Variants in ALK observed in about 807,000 individuals in gnomAD.
ALK encodes the protein ALK receptor tyrosine kinase.
Under a neutral mutation model 163.1 loss-of-function variants are expected in ALK, and 74 were observed. The observed-to-expected ratio is 0.45, with a 90% CI of 0.38 to 0.55. The LOEUF (loss-of-function observed/expected upper bound fraction) is 0.55. ALK is among the 20% of genes least tolerant of loss of function. The probability of loss-of-function intolerance (pLI) is 0.00; values close to 1 mark genes in which losing one functional copy is unlikely to be tolerated. For missense variants in ALK, 2,063 were observed against 2,105.3 expected, an observed-to-expected ratio of 0.98 and a Z score of 0.39; for synonymous variants, 960 against 843.2, an observed-to-expected ratio of 1.14 and a Z score of -2.40.
chr2:29,245,589 C>T (rs1165435037), intron 12 of ALK, among the ~76,000 whole-genome samples: 1 of 135,806 alleles, frequency 7.4e-6, no homozygotes, highest in Non-Finnish European at 1.6e-5. Flanking sequence ...CACAGCAGGG[C>T]TCCATGGCTC....
intron 3 of ALK, among the ~76,000 whole-genome samples, chr2:29,539,022 C>T (rs1196615404): frequency 1.3e-5 from 2 of 149,516 alleles, no homozygotes; most frequent in Admixed American, 1.4e-4. Flanking sequence ...AGTCTTCCTG[C>T]CCTTTCCTGT....
chr2:29,524,618 G>A (rs561316868), intron 4 of ALK, among the ~76,000 whole-genome samples: 1 of 152,348 alleles, frequency 6.6e-6, no homozygotes, highest in South Asian at 2.1e-4. Context: ...AACATGCACT[G>A]TACAGATATT....
intron 5 of ALK, among the ~76,000 whole-genome samples, chr2:29,355,491 GAC>G (rs148233746): frequency 3.3e-5 from 5 of 150,260 alleles, no homozygotes; most frequent in African/African-American, 4.9e-5. Context: ...ACCACACACA[GAC>G]ACACACACAC....
intron 2 of ALK, among the ~76,000 whole-genome samples, chr2:29,704,136 G>A (rs958156089): frequency 2.0e-5 from 3 of 150,660 alleles, no homozygotes; most frequent in Non-Finnish European, 3.0e-5. Context: ...ATGCATACAC[G>A]GCAATTCTCT....
At position 29,361,235 on chromosome 2, in the gene ALK, A is replaced by G. The variant is rs570925721; in HGVS notation, c.1282+22497T>C. On this transcript the variant is annotated intron_variant, in intron 5 of 28. Transcript: ENST00000389048. ...AAACCAATTGTTAAAGACCGTCCACATTATTCACCAGGGTGGGAGAATTCA... is the reference window on the plus strand; with the variant it reads ...AAACCAATTGTTAAAGACCGTCCACGTTATTCACCAGGGTGGGAGAATTCA... Among the ~76,000 whole-genome samples the G allele has an allele frequency of 1.1e-3, 172 of 152,364 alleles. 1 individual carries two copies. Among genetic ancestry groups the G allele is most frequent in the African/African-American group, 3.5e-3 (146 of 41,592 alleles).
rs371642412 is a variant in ALK, at chr2:29,383,835, G to T, written c.1179C>A (p.Ile393=). ...CTCGAAATGGGTTGTCTGGACGCCC[G>T]ATTCTTCCCTGGAGCACTGTCCAAC... ...KHGWTVLQGR[I]GRPDNPFRVA... The change falls in exon 5 of 29, where the codon ATC becomes ATA. Residue 393 remains isoleucine (I), a synonymous_variant. Coordinates refer to ENST00000389048, the MANE Select transcript of ALK (RefSeq NM_004304.5). 6.2e-6 allele frequency: 10 copies of T among 1,613,988 alleles called. No individual in the cohort carries two copies. The Admixed American group carries it at 1.2e-4, about 19-fold the overall frequency.
intron 3 of ALK, among the ~76,000 whole-genome samples, chr2:29,611,549 AG>A (rs1675692095): frequency 6.6e-6 from 1 of 152,166 alleles, no homozygotes; most frequent in South Asian, 2.1e-4. Context: ...TCTTACCTTA[AG>A]GAAAGAGGAG....
chr2:29,366,064 T>G (rs1227660797), intron 5 of ALK, among the ~76,000 whole-genome samples: 2 of 152,204 alleles, frequency 1.3e-5, no homozygotes, highest in African/African-American at 4.8e-5. Context: ...AATACAGATT[T>G]TTAGCAGTAA....
intron 4 of ALK, among the ~76,000 whole-genome samples, chr2:29,444,123 T>C (rs917492385): frequency 6.6e-6 from 1 of 152,214 alleles, no homozygotes; most frequent in African/African-American, 2.4e-5. Flanking sequence ...AATGTTTATT[T>C]AGTCTGCCAG....
At chr2:29,633,732 G>T (rs181717555) in intron 3 of ALK, among the ~76,000 whole-genome samples, 43 of 151,416 alleles carry the variant, frequency 2.8e-4, no homozygotes, top group Admixed American at 2.8e-3. Flanking sequence ...AAGGAAACAA[G>T]GGTTGCTATG....
At chr2:29,616,374 A>C (rs2148225375) in intron 3 of ALK, among the ~76,000 whole-genome samples, 1 of 152,320 alleles carries the variant, frequency 6.6e-6, no homozygotes, top group Non-Finnish European at 1.5e-5. Context: ...GCTAAAACAA[A>C]CCCTCAAATT....
At chr2:29,767,341 C>G (rs556814886) in intron 1 of ALK, among the ~76,000 whole-genome samples, 50 of 152,252 alleles carry the variant, frequency 3.3e-4, no homozygotes, top group African/African-American at 9.1e-4. Context: ...GGGGGCTCAG[C>G]AGGATAAATG....
chr2:29,196,928 C>G (rs1573083489), intron 27 of ALK, 68 bp from the exon 28 acceptor site: 1 of 1,382,056 alleles, frequency 7.2e-7, no homozygotes, highest in East Asian at 2.3e-5. Context: ...TTTCTTCCAG[C>G]CCCAGGGTTG....
chr2:29,531,108 C>T lies in ALK; in HGVS notation c.1154+807G>A, dbSNP rs192104000. Among the ~76,000 whole-genome samples, 46 of 152,270 alleles carry T rather than the reference C, an allele frequency of 3.0e-4. No individual in the cohort carries two copies. In the East Asian group the frequency reaches 6.9e-3, roughly 23 times the overall value. ...GGTGGGACCCTTCTGAAAAGGTATT[C>T]TCTTAGAAGGAAGCCAAGTCTAAGC... On this transcript the variant is annotated intron_variant, in intron 4 of 28. Coordinates refer to ENST00000389048, the MANE Select transcript of ALK (RefSeq NM_004304.5).
rs114573852 is a variant in ALK at position 29,671,931 on chromosome 2, A to G, written c.952+22919T>C. Among the ~76,000 whole-genome samples, 718 of 152,078 alleles carry G rather than the reference A, an allele frequency of 4.7e-3. 8 individuals carry two copies. Among genetic ancestry groups the G allele is most frequent in the African/African-American group, 0.015 (626 of 41,536 alleles). On this transcript the variant is annotated intron_variant, in intron 3 of 28. Coordinates refer to ENST00000389048, the MANE Select transcript of ALK (RefSeq NM_004304.5). ...AGAAATTTTTAGTTTTTAATTACAA[A>G]ATAAATATGTAAAAATTCTAATGAT...
At chr2:29,891,908 C>T (rs931859484) in intron 1 of ALK, among the ~76,000 whole-genome samples, 1 of 152,202 alleles carries the variant, frequency 6.6e-6, no homozygotes, top group Non-Finnish European at 1.5e-5. Flanking sequence ...TCAGCAAAAG[C>T]TCATTCTCTG....
chr2:29,469,304 C>G (rs1043516925), intron 4 of ALK, among the ~76,000 whole-genome samples: 1 of 152,128 alleles, frequency 6.6e-6, no homozygotes, highest in African/African-American at 2.4e-5. Flanking sequence ...TATCTTGTGC[C>G]AAATTGCCTT....
intron 9 of ALK, among the ~76,000 whole-genome samples, chr2:29,281,492 T>C (rs1046176243): frequency 3.9e-5 from 6 of 152,230 alleles, no homozygotes; most frequent in Non-Finnish European, 5.9e-5. Context: ...TGACCCTTCA[T>C]AGTTCGTACC....
chr2:29,486,754 T>A (rs1325089805), intron 4 of ALK, among the ~76,000 whole-genome samples: 1 of 152,234 alleles, frequency 6.6e-6, no homozygotes, highest in African/African-American at 2.4e-5. Context: ...AGGGATAATT[T>A]ACTGATATTG....
Sources: allele counts gnomAD v4.1 joint callset (sites outside exome capture counted in the v4.1 genomes callset), GRCh38; gene constraint gnomAD v4.1.1; transcripts MANE v1.5; gene names NCBI Gene and HGNC (gene_info 2026-07-23, HGNC 2026-07-21).